The following HSD17B12 variants were observed in gnomAD, a reference collection of about 807,000 sequenced individuals.
HSD17B12 encodes the protein very-long-chain 3-oxoacyl-CoA reductase.
In HSD17B12, 32 loss-of-function variants were observed where a neutral mutation model predicts 39.3. That is an observed-to-expected ratio of 0.81 (90% CI 0.61 to 1.09). The LOEUF (loss-of-function observed/expected upper bound fraction) is 1.09. HSD17B12 is among the 50% of genes least tolerant of loss of function. The pLI is 0.00. For synonymous variants in HSD17B12, 150 were observed against 146.7 expected (o/e 1.02, Z -0.16); for missense variants, 342 against 382.9 (o/e 0.89, Z 0.89).
At chr11:43,658,334 C>T in the HSD17B12 span, among the ~76,000 whole-genome samples, 2 of 152,050 alleles carry the variant, frequency 1.3e-5, no homozygotes, top group Non-Finnish European at 2.9e-5. Context: ...GCCATTGGTT[C>T]GAACTTCCTC....
chr11:43,774,483 G>A (rs769566776), intron 3 of HSD17B12, among the ~76,000 whole-genome samples: 56 of 152,120 alleles, frequency 3.7e-4, no homozygotes, highest in Non-Finnish European at 1.5e-4. Flanking sequence ...AAAGAGCTGG[G>A]ACTACAGGCA....
intron 3 of HSD17B12, among the ~76,000 whole-genome samples, chr11:43,782,562 G>A (rs1287728128): frequency 6.6e-6 from 1 of 151,798 alleles, no homozygotes; most frequent in Non-Finnish European, 1.5e-5. Context: ...TGTAGTCCCA[G>A]CTACTTGTGA....
At chr11:43,673,936 TA>T in the HSD17B12 span, among the ~76,000 whole-genome samples, 2 of 152,198 alleles carry the variant, frequency 1.3e-5, no homozygotes, top group African/African-American at 4.8e-5. Flanking sequence ...TCCTCATTCA[TA>T]AAATGGGGTT....
intron 1 of HSD17B12, among the ~76,000 whole-genome samples, chr11:43,695,005 G>A (rs1310634322): frequency 1.3e-5 from 2 of 152,030 alleles, no homozygotes; most frequent in African/African-American, 4.8e-5. Flanking sequence ...AGTAGAGATG[G>A]TGAAACCCCA....
chr11:43,600,933 G>A, the HSD17B12 span, among the ~76,000 whole-genome samples: 3,073 of 151,678 alleles, frequency 0.02, 49 homozygotes, highest in Non-Finnish European at 0.032. Flanking sequence ...TAAAGATACC[G>A]GTTGTTATTA....
the HSD17B12 span, among the ~76,000 whole-genome samples, chr11:43,604,119 TC>T: frequency 6.6e-6 from 1 of 152,178 alleles, no homozygotes; most frequent in Non-Finnish European, 1.5e-5. Flanking sequence ...TCTTATTAAT[TC>T]CCAGATATAT....
intron 2 of HSD17B12, 24 bp downstream of exon 2, chr11:43,750,981 CT>C: frequency 6.7e-7 from 1 of 1,503,728 alleles, no homozygotes; most frequent in Non-Finnish European, 9.2e-7. Context: ...AAGATCTTTC[CT>C]TTTAATATAA....
At chr11:43,621,189 T>A in the HSD17B12 span, among the ~76,000 whole-genome samples, 1 of 152,312 alleles carries the variant, frequency 6.6e-6, no homozygotes. Context: ...GCAACTGACA[T>A]GCTTTTTCCT....
the HSD17B12 span, among the ~76,000 whole-genome samples, chr11:43,582,596 G>T: frequency 9.8e-5 from 15 of 152,316 alleles, no homozygotes; most frequent in African/African-American, 3.6e-4. Flanking sequence ...CCCGAGGGCT[G>T]CGAACCTTCA....
chr11:43,681,920 T>C (rs1381107786), intron 1 of HSD17B12, among the ~76,000 whole-genome samples: 1 of 151,634 alleles, frequency 6.6e-6, no homozygotes, highest in African/African-American at 2.4e-5. Flanking sequence ...AACCGAGTGA[T>C]TACTTATGAT....
chr11:43,825,830 A>G (rs566814207), intron 6 of HSD17B12, among the ~76,000 whole-genome samples: 1 of 152,312 alleles, frequency 6.6e-6, no homozygotes, highest in South Asian at 2.1e-4. Flanking sequence ...AAAATGAGAG[A>G]GTAGTTATAG....
At chr11:43,695,057 A>G (rs977487962) in intron 1 of HSD17B12, among the ~76,000 whole-genome samples, 2 of 151,986 alleles carry the variant, frequency 1.3e-5, no homozygotes, top group African/African-American at 2.4e-5. Context: ...GTGGTGGCAT[A>G]TGTCTGTAAT....
chr11:43,618,927 G>A, the HSD17B12 span, among the ~76,000 whole-genome samples: 2 of 151,546 alleles, frequency 1.3e-5, no homozygotes, highest in African/African-American at 2.4e-5. Context: ...CCACATGAAC[G>A]TCAATAGGGC....
intron 1 of HSD17B12, among the ~76,000 whole-genome samples, chr11:43,693,192 T>C (rs1027008350): frequency 3.3e-5 from 5 of 152,202 alleles, no homozygotes; most frequent in African/African-American, 1.2e-4. Flanking sequence ...TGGATGCATC[T>C]GTGGTAGATT....
chr11:43,611,935 T>G, the HSD17B12 span, among the ~76,000 whole-genome samples: 1 of 152,238 alleles, frequency 6.6e-6, no homozygotes, highest in African/African-American at 2.4e-5. Flanking sequence ...ACTATAGGCA[T>G]AATCTACTCT....
chr11:43,723,110 TA>T (rs989322608), intron 1 of HSD17B12, among the ~76,000 whole-genome samples: 47 of 152,084 alleles, frequency 3.1e-4, no homozygotes, highest in African/African-American at 1.0e-3. Context: ...TTTTTACTAT[TA>T]AAAAAAGGTG....
the HSD17B12 span, among the ~76,000 whole-genome samples, chr11:43,590,807 CTTTTTTTT>C: frequency 1.6e-5 from 2 of 125,468 alleles, no homozygotes; most frequent in South Asian, 2.6e-4. Flanking sequence ...CCCAGCTCGA[CTTTTTTTT>C]TTTTTTTTTT....
At position 43,750,912 on chromosome 11, in the gene HSD17B12, T is replaced by C; in HGVS notation, c.162T>C (p.Val54=). Residue 54 remains valine (V), a splice_region_variant and synonymous_variant, in exon 2 of 11, where the codon GTT becomes GTC. Coordinates refer to ENST00000278353, the MANE Select transcript of HSD17B12 (RefSeq NM_016142.3). ...GVGPGLGEWA[V]VTGSTDGIGK... ...CTATTGCTTTTTTCCCTTTCCCAGT[T>C]GTCACAGGTAGTACTGATGGAATTG... 3.1e-6 allele frequency: 5 copies of C among 1,599,258 alleles called. No homozygotes were observed. Among genetic ancestry groups the C allele is most frequent in the Non-Finnish European group, 4.3e-6 (5 of 1,171,340 alleles).
the HSD17B12 span, chr11:43,581,421 G>A: frequency 1.9e-6 from 1 of 522,276 alleles, no homozygotes; most frequent in South Asian, 1.4e-5. This position sits in a 1 kb window ranked among gnomAD's most constrained non-coding sequence, Gnocchi z 4.9. Flanking sequence ...TTTGCGGTCT[G>A]GGCTTGCTGT....
Sources: gnomAD v4.1 joint callset for allele counts (sites outside exome capture counted in the v4.1 genomes callset) on GRCh38, gnomAD v4.1.1 for gene constraint, Gnocchi (gnomAD v3.1) non-coding constraint, MANE v1.5 for transcripts, NCBI Gene and HGNC (gene_info 2026-07-23, HGNC 2026-07-21) for gene names.